Variants in BCL9L observed in about 807,000 individuals in gnomAD.
BCL9L encodes B-cell CLL/lymphoma 9-like protein.
In BCL9L, 19 loss-of-function variants were observed where a neutral mutation model predicts 99.4. That is an observed-to-expected ratio of 0.19 (90% confidence interval 0.13 to 0.28). The LOEUF is 0.28. Among genes scored for constraint, BCL9L ranks in the 10% least tolerant of loss-of-function variants. BCL9L has a pLI of 1.00. For synonymous variants in BCL9L, 900 were observed against 854.8 expected, an observed-to-expected ratio of 1.05 and a Z score of -0.92; for missense variants, 2,023 against 2,101.6, an observed-to-expected ratio of 0.96 and a Z score of 0.73.
Position 118,922,118 on chromosome 11 carries a change from G to T in BCL9L, c.-131+3120C>A, listed in dbSNP as rs930066231. ...GAATGCCCTTACTGCCCCTCCCCCA[G>T]CCTCCAGGGAAAGTCAGGCTGAGTT... On this transcript the variant is annotated intron_variant, in intron 1 of 9. Transcript: ENST00000683865. The surrounding 1 kb of genome is among the most constrained non-coding windows in gnomAD (Gnocchi z 6.2). 5.9e-5 allele frequency among the ~76,000 whole-genome samples: 9 copies of T among 152,002 alleles called. 1 individual carries two copies. The highest frequency in any genetic ancestry group is 4.1e-4 in the South Asian group (2 of 4,828).
intron 2 of BCL9L, among the ~76,000 whole-genome samples, chr11:118,918,289 GTC>G (rs1941032443): frequency 6.6e-6 from 1 of 152,156 alleles, no homozygotes; most frequent in South Asian, 2.1e-4. Flanking sequence ...GTGTGTCTGT[GTC>G]TGTGTGTCTG....
At chr11:118,923,869 C>G in intron 1 of BCL9L, among the ~76,000 whole-genome samples, 1 of 152,234 alleles carries the variant, frequency 6.6e-6, no homozygotes, top group East Asian at 1.9e-4. Context: ...CTGCTCCTCA[C>G]CTTCCTCACC....
Position 118,898,495 on chromosome 11 carries a change from G to A in BCL9L, c.4420C>T (p.Leu1474Phe). The part of the protein sequence containing the change: ...PQQNLMVSHP[L>F]RQRSVSLDSQ... ...TCCAGGGACACACTGCGCTGCCGAAGGGGGTGGGACACCATGAGGTTCTGC... is the reference window on the plus strand; with the variant it reads ...TCCAGGGACACACTGCGCTGCCGAAAGGGGTGGGACACCATGAGGTTCTGC... Residue 1474 changes from leucine (L) to phenylalanine (F), a missense_variant, in exon 10 of 10, where the codon CTT becomes TTT. This residue lies in a region of BCL9L where 902 missense variants were observed against 888.2 expected (regional missense o/e 1.02). Coordinates refer to ENST00000683865, the MANE Select transcript of BCL9L (RefSeq NM_001378213.1). 6.2e-7 allele frequency: 1 copy of A among 1,603,286 alleles called. No homozygotes were observed. Among genetic ancestry groups the A allele is most frequent in the Non-Finnish European group, 8.5e-7 (1 of 1,172,246 alleles).
Position 118,909,955 on chromosome 11 carries a change from T to C in BCL9L, c.-16A>G, listed in dbSNP as rs1422012617. ...GGATCCTCATGGCTCCCACACACAG[T>C]GGGGCTACGGCCCCTGTGCGTGCCC... is the stretch of plus-strand genomic sequence containing the variant. On this transcript the variant is annotated 5_prime_UTR_variant, in exon 3 of 10. Coordinates refer to ENST00000683865, the MANE Select transcript of BCL9L (RefSeq NM_001378213.1). 1.9e-6 allele frequency: 3 copies of C among 1,613,776 alleles called. No homozygotes were observed. Among genetic ancestry groups the C allele is most frequent in the Non-Finnish European group, 2.5e-6 (3 of 1,179,854 alleles).
chr11:118,908,185 A>C, intron 4 of BCL9L, 85 bp downstream of exon 4: 1 of 1,484,456 alleles, frequency 6.7e-7, no homozygotes, highest in Non-Finnish European at 9.0e-7. Context: ...CTGGACAAGC[A>C]GGGAGCAGAG....
At chr11:118,910,041 A>G (rs1364785060) in intron 2 of BCL9L, 26 bp from the exon 3 acceptor site, 1 of 1,534,532 alleles carries the variant, frequency 6.5e-7, no homozygotes, top group Non-Finnish European at 8.9e-7. Flanking sequence ...CCAAAGAGAA[A>G]ACTCGTGACT....
chr11:118,911,332 C>T, intron 2 of BCL9L: 1 of 448,826 alleles, frequency 2.2e-6, no homozygotes, highest in Non-Finnish European at 4.5e-6. Context: ...CTGCTGGAGG[C>T]TGGGCGGGGA....
intron 1 of BCL9L, among the ~76,000 whole-genome samples, chr11:118,919,096 G>T (rs1941063558): frequency 1.0e-4 from 2 of 19,788 alleles, no homozygotes. Context: ...GACCCCAGCT[G>T]CACCGCTGCC....
chr11:118,920,548 A>G (rs1941109049), intron 1 of BCL9L, among the ~76,000 whole-genome samples: 1 of 152,156 alleles, frequency 6.6e-6, no homozygotes, highest in Non-Finnish European at 1.5e-5. Flanking sequence ...CAAGCTCCCA[A>G]GTCCAATGTG....
Position 118,908,296 on chromosome 11 carries a change from G to A in BCL9L, c.386C>T (p.Thr129Ile). The A allele has an allele frequency of 6.4e-7, 1 of 1,568,240 alleles. No individual in the cohort carries two copies. Among genetic ancestry groups the A allele is most frequent in the Non-Finnish European group, 8.7e-7 (1 of 1,154,838 alleles). The change falls in exon 4 of 10, where the codon ACC becomes ATC. Residue 129 changes from threonine to isoleucine, a missense_variant. Thr to Ile is a moderately conservative substitution (Grantham distance 89). Coordinates refer to ENST00000683865, the MANE Select transcript of BCL9L (RefSeq NM_001378213.1). The stretch of plus-strand genomic sequence containing the variant: ...TTTGGCCTCTGAATCCAGGGATGGG[G>A]TCCCAGCCTCTCGCTGCTCTCCAGA... ...VDSGEQREAG[T>I]PSLDSEAKEV...
Position 118,898,300 on chromosome 11 carries a change from T to TCCCCCCCCCCCCCC in BCL9L, c.*114_*115insGGGGGGGGGGGGGG. 3 of 185,486 alleles carry TCCCCCCCCCCCCCC rather than the reference T, an allele frequency of 1.6e-5. No individual in the cohort carries two copies. Among genetic ancestry groups the TCCCCCCCCCCCCCC allele is most frequent in the East Asian group, 1.5e-4 (1 of 6,786 alleles). 11.5% of individuals were successfully genotyped at this position (185,486 alleles called of 1,614,324 possible). A position where few individuals can be genotyped will look rare whatever the true frequency, so the allele number is the denominator to read the frequency against. ...AATGCCACTCCCTACACAAGCCCCC[T>TCCCCCCCCCCCCCC]CCCACCCCCTCCACCCCACCCCGCG... On this transcript the variant is annotated 3_prime_UTR_variant, in exon 10 of 10. Coordinates refer to ENST00000683865, the MANE Select transcript of BCL9L (RefSeq NM_001378213.1).
Position 118,899,254 on chromosome 11 carries a change from T to A in BCL9L, c.3661A>T (p.Ser1221Cys). The change falls in exon 10 of 10, where the codon AGC becomes TGC. Residue 1221 changes from serine to cysteine, a missense_variant. By Grantham distance (112) the Ser-to-Cys change is moderately radical. Around this residue, in one of 3 missense-constraint regions of BCL9L, gnomAD observed 902 missense variants for 888.2 expected, o/e 1.02. Coordinates refer to ENST00000683865, the MANE Select transcript of BCL9L (RefSeq NM_001378213.1). ...GGGAAGGGCATCATCTGGGAGGAGC[T>A]GGGCACTGGGCCACAGGGGGCATTC... ...SLNAPCGPVP[S>C]SSQMMPFPPR... 2.0e-6 allele frequency: 3 copies of A among 1,522,834 alleles called. No individual in the cohort carries two copies. The highest frequency in any genetic ancestry group is 2.6e-6 in the Non-Finnish European group (3 of 1,136,698). The allele number at this position is 1,522,834 out of a possible 1,614,324, so 94.3% of individuals were successfully genotyped here. A position where few individuals can be genotyped will look rare whatever the true frequency, so the allele number is the denominator to read the frequency against.
intron 2 of BCL9L, among the ~76,000 whole-genome samples, chr11:118,912,423 G>A (rs899946878): frequency 3.9e-5 from 6 of 152,190 alleles, no homozygotes; most frequent in South Asian, 2.1e-4. Flanking sequence ...GCGCATACCA[G>A]GAGAATGAAT....
intron 2 of BCL9L, among the ~76,000 whole-genome samples, chr11:118,915,511 C>T (rs1940937170): frequency 6.6e-6 from 1 of 152,200 alleles, no homozygotes; most frequent in African/African-American, 2.4e-5. Flanking sequence ...TCTCAGAGGT[C>T]AGCTCCCTCC....
rs1204733294 is a variant in BCL9L at position 118,922,084 on chromosome 11, C to T, written c.-131+3154G>A. Among the ~76,000 whole-genome samples, 4 of 152,236 alleles carry T rather than the reference C, an allele frequency of 2.6e-5. No individual in the cohort carries two copies. Among genetic ancestry groups the T allele is most frequent in the East Asian group, 1.9e-4 (1 of 5,164 alleles). On this transcript the variant is annotated intron_variant, in intron 1 of 9. Transcript: ENST00000683865. This position sits in a 1 kb window ranked among gnomAD's most constrained non-coding sequence, Gnocchi z 6.2. ...CACACCCAGGAAGTCGCCCCTCCCA[C>T]GGCAGCCAGAATGCCCTTACTGCCC...
At position 118,914,248 on chromosome 11, in the gene BCL9L, A is replaced by AG. The variant is rs1310033654; in HGVS notation, c.-76-4234dup. Among the ~76,000 whole-genome samples, 2 of 152,098 alleles carry AG rather than the reference A, an allele frequency of 1.3e-5. No individual in the cohort carries two copies. Among genetic ancestry groups the AG allele is most frequent in the African/African-American group, 4.8e-5 (2 of 41,416 alleles). ...CAAGGGGTTAATCTGTCCCCTATTT[A>AG]GGGGGGTAGGGGTGGCCGAGGAACC... is the stretch of plus-strand genomic sequence containing the variant. On this transcript the variant is annotated intron_variant, in intron 2 of 9. Transcript: ENST00000683865. This position sits in a 1 kb window ranked among gnomAD's most constrained non-coding sequence, Gnocchi z 4.4.
At chr11:118,923,537 A>G (rs746504037) in intron 1 of BCL9L, among the ~76,000 whole-genome samples, 14 of 152,272 alleles carry the variant, frequency 9.2e-5, no homozygotes, top group South Asian at 4.1e-4. Context: ...CTCCGGTCCC[A>G]TGACTCCCCA....
chr11:118,925,268 G>GC lies in BCL9L; in HGVS notation c.-162dup, dbSNP rs1941249752. The GC allele has an allele frequency of 6.6e-6, 1 of 152,482 alleles. No individual in the cohort carries two copies. The highest frequency in any genetic ancestry group is 6.5e-5 in the Admixed American group (1 of 15,298). The allele number at this position is 152,482 out of a possible 1,614,324, so 9.4% of individuals were successfully genotyped here. A position where few individuals can be genotyped will look rare whatever the true frequency, so the allele number is the denominator to read the frequency against. On this transcript the variant is annotated 5_prime_UTR_variant, in exon 1 of 10. The change abolishes the stop of an existing upstream ORF in the 5' untranslated region. Transcript: ENST00000683865. This position sits in a 1 kb window ranked among gnomAD's most constrained non-coding sequence, Gnocchi z 6.4. ...GCGGATTGGGGGGTCCTCACGCCAG[G>GC]CCGGAGCTGGACGCCATGACCAGGT...
chr11:118,924,088 AAGG>A (rs772837855), intron 1 of BCL9L, among the ~76,000 whole-genome samples: 8 of 152,094 alleles, frequency 5.3e-5, no homozygotes, highest in Non-Finnish European at 1.0e-4. Flanking sequence ...CCAAGAAGAG[AAGG>A]AGAAGACAGT....
Sources: allele counts gnomAD v4.1 joint callset (sites outside exome capture counted in the v4.1 genomes callset), GRCh38; gene constraint gnomAD v4.1.1; regional missense constraint gnomAD v4.1.1; non-coding constraint Gnocchi (gnomAD v3.1); transcripts MANE v1.5; gene names NCBI Gene and HGNC (gene_info 2026-07-23, HGNC 2026-07-21).